LRRN4: variants seen among roughly 807,000 people sequenced by gnomAD.
LRRN4 encodes the protein leucine-rich repeat neuronal protein 4.
Under a neutral mutation model 22.3 loss-of-function variants are expected in LRRN4, and 26 were observed. The observed-to-expected ratio is 1.16, with a 90% CI of 0.85 to 1.62. The LOEUF (loss-of-function observed/expected upper bound fraction) is 1.62. Among genes scored for constraint, LRRN4 ranks in the 40% most tolerant of loss-of-function variants. The pLI is 0.00. For synonymous variants in LRRN4, 496 were observed against 486.2 expected (o/e 1.02, Z -0.26); for missense variants, 1,070 against 1,008.5 (o/e 1.06, Z -0.83).
chr20:6,052,227 G>C lies in LRRN4; in HGVS notation c.573C>G (p.Ala191=). Residue 191 remains alanine, a synonymous_variant, in exon 2 of 5, where the codon GCC becomes GCG. Coordinates refer to ENST00000378858, the MANE Select transcript of LRRN4 (RefSeq NM_152611.5). ...ALGRGAQGGI[A]EAAFAGEDGA... ...CATCCTCTCCAGCGAACGCCGCCTCGGCGATGCCCCCCTGGGCTCCGCGAC... is the reference window on the plus strand; with the variant it reads ...CATCCTCTCCAGCGAACGCCGCCTCCGCGATGCCCCCCTGGGCTCCGCGAC... The C allele has an allele frequency of 6.3e-7, 1 of 1,579,010 alleles. No individual in the cohort carries two copies. Among genetic ancestry groups the C allele is most frequent in the Non-Finnish European group, 8.6e-7 (1 of 1,163,294 alleles).
At chr20:6,046,422 C>T (rs1264908200) in intron 3 of LRRN4, among the ~76,000 whole-genome samples, 1 of 148,640 alleles carries the variant, frequency 6.7e-6, no homozygotes. Context: ...TCTACCATAC[C>T]TAGCAATGGC....
At chr20:6,047,432 A>T (rs6038337) in intron 3 of LRRN4, among the ~76,000 whole-genome samples, 27,838 of 105,436 alleles carry the variant, frequency 0.26, 3,048 homozygotes, top group Admixed American at 0.41. Context: ...ACATACACAC[A>T]CACACACACA....
chr20:6,052,638 C>T lies in LRRN4; in HGVS notation c.162G>A (p.Ala54=). Reference sequence around the variant, plus strand: ...TCGCCAGGGTCAAGGCCGTCGCATCCGCGGCGGGCAGCCCCTCGCAGGGCG... The same window carrying T: ...TCGCCAGGGTCAAGGCCGTCGCATCTGCGGCGGGCAGCCCCTCGCAGGGCG... ...TDSPCEGLPA[A]DATALTLANR... is the part of the protein sequence containing the mutation. The change falls in exon 2 of 5, where the codon GCG becomes GCA. Residue 54 remains alanine, a synonymous_variant. Transcript: ENST00000378858. 1.3e-6 allele frequency: 2 copies of T among 1,585,514 alleles called. No individual in the cohort carries two copies. Among genetic ancestry groups the T allele is most frequent in the Non-Finnish European group, 8.5e-7 (1 of 1,173,522 alleles).
At chr20:6,043,912 C>T (rs999523444) in intron 4 of LRRN4, among the ~76,000 whole-genome samples, 2 of 152,020 alleles carry the variant, frequency 1.3e-5, no homozygotes, top group Non-Finnish European at 2.9e-5. Flanking sequence ...TGTCTCCAAA[C>T]AAATAAACAA....
rs367873348 is a variant in LRRN4 at position 6,041,174 on chromosome 20, T to G, written c.2071A>C (p.Ser691Arg). 2.5e-6 allele frequency: 4 copies of G among 1,599,434 alleles called. No individual in the cohort carries two copies. Among genetic ancestry groups the G allele is most frequent in the Non-Finnish European group, 3.4e-6 (4 of 1,172,646 alleles). ...ALLLSGLCAA[S>R]GLLLASTVVL... is the part of the protein sequence containing the mutation. ...ACGGTGCTGGCGAGCAACAGGCCGC[T>G]GGCGGCGCACAGCCCAGAGAGCAGG... Residue 691 changes from serine to arginine, a missense_variant, in exon 5 of 5, where the codon AGC becomes CGC. Transcript: ENST00000378858. This position sits in a 1 kb window ranked among gnomAD's most constrained non-coding sequence, Gnocchi z 9.4.
Position 6,041,087 on chromosome 20 carries a change from G to A in LRRN4, c.2158C>T (p.His720Tyr), listed in dbSNP as rs370963693. 1.8e-4 allele frequency: 295 copies of A among 1,613,568 alleles called. 1 individual carries two copies. The highest frequency in any genetic ancestry group is 2.4e-4 in the Non-Finnish European group (281 of 1,179,892). ...QTLGLQRCDT[H>Y]LVAYKNPAFD... ...GCCGGGTTTTTGTAGGCCACCAGGT[G>A]CGTGTCGCAGCGCTGCAGGCCCAGC... The change falls in exon 5 of 5, where the codon CAC becomes TAC. Residue 720 changes from histidine to tyrosine, a missense_variant. Physicochemically the swap from His to Tyr is moderately conservative, Grantham distance 83. Transcript: ENST00000378858. This position sits in a 1 kb window ranked among gnomAD's most constrained non-coding sequence, Gnocchi z 9.4.
chr20:6,043,912 CAAAT>C (rs1981038606), intron 4 of LRRN4, among the ~76,000 whole-genome samples: 1 of 152,020 alleles, frequency 6.6e-6, no homozygotes, highest in South Asian at 2.1e-4. Context: ...TGTCTCCAAA[CAAAT>C]AAACAAAAAG....
In LRRN4 at chr20:6,041,311, G is replaced by A; in HGVS notation, c.1934C>T (p.Thr645Ile). The A allele has an allele frequency of 6.3e-7, 1 of 1,596,902 alleles. No homozygotes were observed. The highest frequency in any genetic ancestry group is 8.5e-7 in the Non-Finnish European group (1 of 1,175,628). The change falls in exon 5 of 5, where the codon ACC becomes ATC. Residue 645 changes from threonine (T) to isoleucine (I), a missense_variant. Coordinates refer to ENST00000378858, the MANE Select transcript of LRRN4 (RefSeq NM_152611.5). This position sits in a 1 kb window ranked among gnomAD's most constrained non-coding sequence, Gnocchi z 9.4. ...CGCCAGCACGCACACGCGGTAGGTG[G>A]TGCCCGGCGACAGCCCGTACAGAGG... Reference protein sequence around the residue: ...QHPLYGLSPGTTYRVCVLAAN... With the variant: ...QHPLYGLSPGITYRVCVLAAN...
At position 6,042,103 on chromosome 20, in the gene LRRN4, G is replaced by C. The variant is rs990179729; in HGVS notation, c.1142C>G (p.Ser381Cys). 1 of 1,614,048 alleles carries C rather than the reference G, an allele frequency of 6.2e-7. No individual in the cohort carries two copies. Among genetic ancestry groups the C allele is most frequent in the Non-Finnish European group, 8.5e-7 (1 of 1,180,018 alleles). ...GACGGTGGTACCCTGTGCGTAGGTG[G>C]AGCGGTTGAAGCAAGGTGGGTGTGA... is the stretch of plus-strand genomic sequence containing the variant. ...GASHPPCFNR[S>C]TYAQGTTVAP... is the part of the protein sequence containing the mutation. The change falls in exon 5 of 5, where the codon TCC (serine) becomes TGC (cysteine). Residue 381 changes from serine to cysteine, a missense_variant. By Grantham distance (112) the Ser-to-Cys change is moderately radical. Transcript: ENST00000378858.
chr20:6,042,891 C>T (rs889898232), intron 4 of LRRN4, among the ~76,000 whole-genome samples: 6 of 148,340 alleles, frequency 4.0e-5, no homozygotes, highest in African/African-American at 1.3e-4. Flanking sequence ...TGCACTCCAG[C>T]CTGGGCAACA....
intron 3 of LRRN4, among the ~76,000 whole-genome samples, chr20:6,048,543 A>T (rs527973523): frequency 2.0e-5 from 3 of 152,204 alleles, no homozygotes; most frequent in Admixed American, 6.5e-5. Context: ...GGGGAAATGT[A>T]TTTAACATCC....
rs771087173 is a variant in LRRN4 at position 6,041,371 on chromosome 20, A to G, written c.1874T>C (p.Val625Ala). 6.9e-6 allele frequency: 11 copies of G among 1,588,822 alleles called. No individual in the cohort carries two copies. The Admixed American group carries it at 1.7e-4, about 25-fold the overall frequency. Reference sequence around the variant, plus strand: ...GGCCGTGGCGTAGATGACCCCCACCACCGACTGGTTCCCCGCCCAGCCCTC... The same window carrying G: ...GGCCGTGGCGTAGATGACCCCCACCGCCGACTGGTTCCCCGCCCAGCCCTC... ...SAEGWAGNQS[V>A]VGVIYATARQ... Residue 625 changes from valine to alanine, a missense_variant, in exon 5 of 5, where the codon GTG becomes GCG. Val to Ala is a moderately conservative substitution (Grantham distance 64). Coordinates refer to ENST00000378858, the MANE Select transcript of LRRN4 (RefSeq NM_152611.5). The surrounding 1 kb of genome is among the most constrained non-coding windows in gnomAD (Gnocchi z 9.4).
At chr20:6,049,892 C>T (rs973290741) in intron 3 of LRRN4, among the ~76,000 whole-genome samples, 1 of 152,178 alleles carries the variant, frequency 6.6e-6, no homozygotes, top group Non-Finnish European at 1.5e-5. Flanking sequence ...CCATCACTGA[C>T]ATCAATCAGC....
At chr20:6,052,904 G>A (rs1473771498) in intron 1 of LRRN4, 100 bp from the exon 2 acceptor site, 1 of 1,237,010 alleles carries the variant, frequency 8.1e-7, no homozygotes, top group African/African-American at 1.5e-5. Flanking sequence ...CTGAGGAGGA[G>A]CACAGGCGCT....
intron 3 of LRRN4, among the ~76,000 whole-genome samples, chr20:6,049,233 T>C (rs1981185319): frequency 6.6e-6 from 1 of 152,180 alleles, no homozygotes; most frequent in Non-Finnish European, 1.5e-5. Context: ...TGAAGAAGCC[T>C]CTCTGATCCA....
rs1196208517 is a variant in LRRN4, at chr20:6,052,785, T to C, written c.15A>G (p.Leu5=). Residue 5 remains leucine (L), a synonymous_variant, in exon 2 of 5, where the codon CTA becomes CTG. Coordinates refer to ENST00000378858, the MANE Select transcript of LRRN4 (RefSeq NM_152611.5). Reference sequence around the variant, plus strand: ...GCAGCACCGTCAGCAGCAGCAGCGGTAGGGTTTGCCGCATGGCGTCTGGGG... The same window carrying C: ...GCAGCACCGTCAGCAGCAGCAGCGGCAGGGTTTGCCGCATGGCGTCTGGGG... The part of the protein sequence containing the change: MRQT[L]PLLLLTVLRP... 8 of 1,570,986 alleles carry C rather than the reference T, an allele frequency of 5.1e-6. No homozygotes were observed. In the East Asian group the frequency reaches 1.6e-4, roughly 32 times the overall value.
intron 2 of LRRN4, among the ~76,000 whole-genome samples, chr20:6,051,738 A>G (rs912679823): frequency 1.3e-5 from 2 of 152,100 alleles, no homozygotes; most frequent in African/African-American, 4.8e-5. Context: ...TTTTCCATTC[A>G]TCAGCCCCAA....
chr20:6,044,734 G>A (rs1208755996), intron 3 of LRRN4, 54 bp from the exon 4 acceptor site: 3 of 1,417,432 alleles, frequency 2.1e-6, no homozygotes, highest in Non-Finnish European at 2.8e-6. Flanking sequence ...TTGTATCAAA[G>A]ATATTCCCAG....
chr20:6,043,579 C>A (rs1981023799), intron 4 of LRRN4, among the ~76,000 whole-genome samples: 1 of 151,938 alleles, frequency 6.6e-6, no homozygotes, highest in African/African-American at 2.4e-5. Flanking sequence ...CAGACTGAGC[C>A]CCACCTCACA....
Sources: allele counts gnomAD v4.1 joint callset (sites outside exome capture counted in the v4.1 genomes callset), GRCh38; gene constraint gnomAD v4.1.1; non-coding constraint Gnocchi (gnomAD v3.1); transcripts MANE v1.5; gene names NCBI Gene and HGNC (gene_info 2026-07-23, HGNC 2026-07-21).